Variants in NXPH2 observed in about 807,000 individuals in gnomAD.
NXPH2 encodes neurexophilin-2.
NXPH2 carries 5 observed loss-of-function variants against 19.8 expected under a neutral mutation model. That is an observed-to-expected ratio of 0.25 (90% CI 0.13 to 0.53). The LOEUF (loss-of-function observed/expected upper bound fraction) is 0.53, where lower values mean the gene tolerates loss of function less well. Ranked by LOEUF, NXPH2 falls within the 20% of genes least tolerant of loss-of-function variation. The pLI is 0.96. For missense variants in NXPH2, 289 were observed against 322.8 expected (o/e 0.90, Z 0.80); for synonymous variants, 154 against 127.4 (o/e 1.21, Z -1.41).
In NXPH2 at chr2:138,760,356, G is replaced by A. The variant is rs1374275789; in HGVS notation, c.51+19835C>T. 2.0e-5 allele frequency among the ~76,000 whole-genome samples: 3 copies of A among 152,254 alleles called. No individual in the cohort carries two copies. In the East Asian group the frequency reaches 5.8e-4, roughly 29 times the overall value. ...TCTGCTTAACTTTTGAGATCTCTCA[G>A]CCTGACGCTTTGAAACAACAACAAC... On this transcript the variant is annotated intron_variant, in intron 1 of 1. Transcript: ENST00000272641.
intron 1 of NXPH2, among the ~76,000 whole-genome samples, chr2:138,748,186 A>G (rs537306550): frequency 6.6e-6 from 1 of 152,304 alleles, no homozygotes; most frequent in South Asian, 2.1e-4. Context: ...GTCACGAAGG[A>G]AAAAGGACAA....
intron 1 of NXPH2, among the ~76,000 whole-genome samples, chr2:138,676,234 A>G (rs1680482946): frequency 6.6e-6 from 1 of 152,188 alleles, no homozygotes; most frequent in Admixed American, 6.5e-5. Flanking sequence ...ATATTTCTCT[A>G]TGTCTTTAAA....
At chr2:138,673,508 T>C (rs1392135208) in intron 1 of NXPH2, among the ~76,000 whole-genome samples, 1 of 152,192 alleles carries the variant, frequency 6.6e-6, no homozygotes, top group African/African-American at 2.4e-5. Flanking sequence ...CACTACTATG[T>C]ATTGGGAACA....
chr2:138,757,936 C>T (rs1298464203), intron 1 of NXPH2, among the ~76,000 whole-genome samples: 1 of 151,954 alleles, frequency 6.6e-6, no homozygotes, highest in Non-Finnish European at 1.5e-5. Context: ...ACCAAAGTCA[C>T]GTTCCTGAGG....
intron 1 of NXPH2, among the ~76,000 whole-genome samples, chr2:138,714,674 T>G (rs1681162491): frequency 6.6e-6 from 1 of 152,188 alleles, no homozygotes; most frequent in Non-Finnish European, 1.5e-5. Flanking sequence ...CAAGTCCACC[T>G]TCTGGGATAA....
At chr2:138,703,955 G>A (rs116505860) in intron 1 of NXPH2, among the ~76,000 whole-genome samples, 97 of 152,270 alleles carry the variant, frequency 6.4e-4, no homozygotes, top group African/African-American at 2.1e-3. Context: ...GGCTTTTCCT[G>A]CGCCACCAGC....
At chr2:138,771,935 TA>T (rs1385671814) in intron 1 of NXPH2, among the ~76,000 whole-genome samples, 2 of 152,130 alleles carry the variant, frequency 1.3e-5, no homozygotes, top group African/African-American at 4.8e-5. Flanking sequence ...ATATTTTCAT[TA>T]AAAGAAAGAA....
At chr2:138,761,880 G>C (rs780573160) in intron 1 of NXPH2, among the ~76,000 whole-genome samples, 1 of 152,158 alleles carries the variant, frequency 6.6e-6, no homozygotes, top group Non-Finnish European at 1.5e-5. Context: ...AGGATGTCCA[G>C]GGAGTAATGC....
At chr2:138,720,087 A>G (rs967916678) in intron 1 of NXPH2, among the ~76,000 whole-genome samples, 11 of 152,134 alleles carry the variant, frequency 7.2e-5, no homozygotes, top group African/African-American at 2.7e-4. Flanking sequence ...AAACAAATCT[A>G]TTGAAATGTT....
intron 1 of NXPH2, among the ~76,000 whole-genome samples, chr2:138,746,724 A>C (rs1681741743): frequency 6.6e-6 from 1 of 152,168 alleles, no homozygotes; most frequent in Admixed American, 6.5e-5. Flanking sequence ...TTAAAGCTCC[A>C]AGACCCCACT....
In NXPH2 at chr2:138,780,267, G is replaced by C. The variant is rs1382852696; in HGVS notation, c.-26C>G. ...GGTGCCGGCTGGCGCGGCTTTTCAC[G>C]AGCTGCGCGCCCTCGCCTGCCTCTC... is the stretch of plus-strand genomic sequence containing the variant. On this transcript the variant is annotated 5_prime_UTR_variant, in exon 1 of 2. Coordinates refer to ENST00000272641, the MANE Select transcript of NXPH2 (RefSeq NM_007226.3). 4.2e-6 allele frequency: 6 copies of C among 1,414,900 alleles called. No homozygotes were observed. The highest frequency in any genetic ancestry group is 3.0e-5 in the East Asian group (1 of 33,616). The allele number at this position is 1,414,900 out of a possible 1,614,324, so 87.6% of individuals were successfully genotyped here.
chr2:138,689,927 G>A (rs1680723122), intron 1 of NXPH2, among the ~76,000 whole-genome samples: 1 of 152,168 alleles, frequency 6.6e-6, no homozygotes, highest in African/African-American at 2.4e-5. Flanking sequence ...GAACAAATGG[G>A]CCTGTACATG....
At chr2:138,759,923 A>T (rs1573981080) in intron 1 of NXPH2, among the ~76,000 whole-genome samples, 1 of 151,660 alleles carries the variant, frequency 6.6e-6, no homozygotes, top group Admixed American at 6.6e-5. Flanking sequence ...TAGAGATGGG[A>T]TTTCACCATG....
At chr2:138,702,185 T>G (rs1166585924) in intron 1 of NXPH2, among the ~76,000 whole-genome samples, 1 of 152,148 alleles carries the variant, frequency 6.6e-6, no homozygotes, top group African/African-American at 2.4e-5. Flanking sequence ...GGCACAATGA[T>G]AGCTCACTGT....
intron 1 of NXPH2, among the ~76,000 whole-genome samples, chr2:138,761,791 G>C (rs1489883555): frequency 6.6e-6 from 1 of 152,138 alleles, no homozygotes; most frequent in African/African-American, 2.4e-5. Context: ...CATATCTAAA[G>C]CAAAATATGT....
intron 1 of NXPH2, among the ~76,000 whole-genome samples, chr2:138,735,822 G>GGGTACAGGCATTGGGTA (rs1681529992): frequency 6.6e-6 from 1 of 152,220 alleles, no homozygotes; most frequent in Non-Finnish European, 1.5e-5. Context: ...ATACAATGGG[G>GGGTACAGGCATTGGGTA]GGTACAGGCA....
chr2:138,707,446 G>T (rs12479371), intron 1 of NXPH2, among the ~76,000 whole-genome samples: 11,154 of 152,082 alleles, frequency 0.073, 529 homozygotes, highest in East Asian at 0.21. Context: ...GCCTGATCTG[G>T]GGGGGAGAAA....
intron 1 of NXPH2, among the ~76,000 whole-genome samples, chr2:138,738,337 A>T (rs1573972598): frequency 1.3e-5 from 2 of 152,320 alleles, no homozygotes; most frequent in East Asian, 3.9e-4. Flanking sequence ...AAGAAAGAAA[A>T]CACTTGGTAT....
intron 1 of NXPH2, among the ~76,000 whole-genome samples, chr2:138,773,234 C>T (rs985325893): frequency 6.6e-6 from 1 of 152,214 alleles, no homozygotes; most frequent in African/African-American, 2.4e-5. Context: ...GGAGAGTCAG[C>T]AACACAGGAG....
Sources: gnomAD v4.1 joint callset for allele counts (sites outside exome capture counted in the v4.1 genomes callset) on GRCh38, gnomAD v4.1.1 for gene constraint, MANE v1.5 for transcripts, NCBI Gene and HGNC (gene_info 2026-07-23, HGNC 2026-07-21) for gene names.